CIAPIN1: variants seen among roughly 807,000 people sequenced by gnomAD.
CIAPIN1 encodes anamorsin.
CIAPIN1 carries 18 observed loss-of-function variants against 34.3 expected under a neutral mutation model. The observed-to-expected ratio is 0.52, with a 90% confidence interval of 0.36 to 0.78. The LOEUF is 0.78. Ranked by LOEUF, CIAPIN1 falls within the 30% of genes least tolerant of loss-of-function variation. The probability of loss-of-function intolerance (pLI) is 0.00; values close to 1 mark genes in which losing one functional copy is unlikely to be tolerated. For missense variants in CIAPIN1, 310 were observed against 372.5 expected (o/e 0.83, Z 1.38); for synonymous variants, 131 against 140.4 (o/e 0.93, Z 0.47).
intron 5 of CIAPIN1, chr16:57,433,540 T>TGTGTGCGTGCGC (rs1346638136): frequency 5.7e-6 from 1 of 176,602 alleles, no homozygotes; most frequent in African/African-American, 2.4e-5. Flanking sequence ...TGTGTGTGTG[T>TGTGTGCGTGCGC]GTGCGTGCGC....
At chr16:57,435,311 G>T (rs1262097380) in intron 4 of CIAPIN1, among the ~76,000 whole-genome samples, 1 of 152,166 alleles carries the variant, frequency 6.6e-6, no homozygotes, top group Non-Finnish European at 1.5e-5. Context: ...TTGCAGGCCC[G>T]TGCTTCCTGT....
chr16:57,441,293 C>T (rs1156384091), intron 1 of CIAPIN1: 3 of 158,720 alleles, frequency 1.9e-5, no homozygotes, highest in East Asian at 1.8e-4. Context: ...TCAGCATGAA[C>T]GGAATGGAAA....
rs1903318084 is a variant in CIAPIN1, at chr16:57,440,931, TTGCAG to T, written c.-8_-4del. ...GCAGAGATCCCAAAATCTGCCATTC[TTGCAG>T]TGCAGTACTGACAGACCTAAAAACT... On this transcript the variant is annotated 5_prime_UTR_variant, in exon 2 of 9. Coordinates refer to ENST00000394391, the MANE Select transcript of CIAPIN1 (RefSeq NM_020313.4). 6.2e-7 allele frequency: 1 copy of T among 1,612,514 alleles called. No homozygotes were observed.
chr16:57,445,602 C>T (rs1388101807), intron 1 of CIAPIN1, among the ~76,000 whole-genome samples: 1 of 152,170 alleles, frequency 6.6e-6, no homozygotes, highest in East Asian at 1.9e-4. Flanking sequence ...TGACCAGTAC[C>T]AAGTGGGCCT....
chr16:57,433,550 C>T (rs374135836), intron 5 of CIAPIN1: 24 of 183,070 alleles, frequency 1.3e-4, no homozygotes, highest in South Asian at 3.4e-4. Flanking sequence ...TGTGCGTGCG[C>T]GTGCGTGCAC....
chr16:57,429,912 TG>T (rs1903048525), intron 8 of CIAPIN1, among the ~76,000 whole-genome samples: 1 of 152,060 alleles, frequency 6.6e-6, no homozygotes, highest in Non-Finnish European at 1.5e-5. Context: ...CTGGCATAGC[TG>T]GAATTACACA....
intron 1 of CIAPIN1, among the ~76,000 whole-genome samples, chr16:57,445,421 T>C (rs2030012791): frequency 6.6e-6 from 1 of 152,150 alleles, no homozygotes; most frequent in African/African-American, 2.4e-5. Context: ...GTAGGCAGAA[T>C]TGCTTGAACT....
intron 2 of CIAPIN1, among the ~76,000 whole-genome samples, chr16:57,439,785 A>T (rs1347998898): frequency 6.6e-6 from 1 of 152,190 alleles, no homozygotes; most frequent in East Asian, 1.9e-4. Flanking sequence ...CTTTACTTTA[A>T]TCTCTTAATC....
intron 8 of CIAPIN1, 81 bp from the exon 9 acceptor site, chr16:57,429,361 A>ATGTGGCCAC: frequency 1.1e-6 from 1 of 934,524 alleles, no homozygotes; most frequent in Non-Finnish European, 1.7e-6. Context: ...TAATTTCATA[A>ATGTGGCCAC]TGTGGCCACA....
In CIAPIN1 at chr16:57,430,322, T is replaced by C; in HGVS notation, c.764A>G (p.Glu255Gly). Residue 255 changes from glutamate (E) to glycine (G), a missense_variant, in exon 8 of 9, where the codon GAA (glutamate) becomes GGA (glycine). Glu to Gly is a moderately conservative substitution (Grantham distance 98, BLOSUM62 -2). Coordinates refer to ENST00000394391, the MANE Select transcript of CIAPIN1 (RefSeq NM_020313.4). ...CCTTGACTTCTCTTTTTCCAGTTCTTCGGCAAGGCCACAGGTGCTGCGGGA... is the reference window on the plus strand; with the variant it reads ...CCTTGACTTCTCTTTTTCCAGTTCTCCGGCAAGGCCACAGGTGCTGCGGGA... ...ACKNCTCGLA[E>G]ELEKEKSREQ... The C allele has an allele frequency of 6.2e-7, 1 of 1,614,210 alleles. No individual in the cohort carries two copies. The highest frequency in any genetic ancestry group is 8.5e-7 in the Non-Finnish European group (1 of 1,180,032).
rs76025082 is a variant in CIAPIN1 at position 57,429,941 on chromosome 16, G to A, written c.828+317C>T. Among the ~76,000 whole-genome samples the A allele has an allele frequency of 4.0e-3, 604 of 152,184 alleles. 4 individuals carry two copies. The highest frequency in any genetic ancestry group is 7.2e-3 in the Admixed American group (110 of 15,274). ...ATTACACACGTGAGCCACTGCGCCC[G>A]GCCATAGTTCTATATTCTATGCAGT... is the stretch of plus-strand genomic sequence containing the variant. On this transcript the variant is annotated intron_variant, in intron 8 of 8. Coordinates refer to ENST00000394391, the MANE Select transcript of CIAPIN1 (RefSeq NM_020313.4).
chr16:57,447,065 C>G (rs1295200907), intron 1 of CIAPIN1, among the ~76,000 whole-genome samples: 10 of 152,340 alleles, frequency 6.6e-5, no homozygotes, highest in African/African-American at 2.2e-4. Context: ...GTGGTGTCCC[C>G]GGGGCCTCAG....
rs1471627598 is a variant in CIAPIN1, at chr16:57,446,417, G to GA, written c.-56+924dup. 1.1e-3 allele frequency among the ~76,000 whole-genome samples: 161 copies of GA among 152,304 alleles called. 2 individuals carry two copies. The highest frequency in any genetic ancestry group is 1.9e-4 in the Non-Finnish European group (13 of 68,028). On this transcript the variant is annotated intron_variant, in intron 1 of 8. Coordinates refer to ENST00000394391, the MANE Select transcript of CIAPIN1 (RefSeq NM_020313.4). ...CGTGCAGGGGGGAGCCGGATATTCT[G>GA]AAAAGACTAGATTTGACAAGGGGTG...
At chr16:57,431,551 A>T in intron 6 of CIAPIN1, 4 of 214,426 alleles carry the variant, frequency 1.9e-5, no homozygotes, top group Non-Finnish European at 3.7e-5. Flanking sequence ...GAATATACAC[A>T]TGTTGGGGGT....
intron 1 of CIAPIN1, among the ~76,000 whole-genome samples, chr16:57,442,901 A>T (rs1567574365): frequency 6.6e-6 from 1 of 152,080 alleles, no homozygotes; most frequent in Non-Finnish European, 1.5e-5. Flanking sequence ...ACCATTCCAA[A>T]GTGATCCCTC....
At chr16:57,443,146 T>C (rs2029916842) in intron 1 of CIAPIN1, among the ~76,000 whole-genome samples, 1 of 150,634 alleles carries the variant, frequency 6.6e-6, no homozygotes, top group South Asian at 2.1e-4. Flanking sequence ...TTTTTTTTTT[T>C]TTTGCGGGGG....
intron 1 of CIAPIN1, among the ~76,000 whole-genome samples, chr16:57,443,083 G>GA (rs563414443): frequency 3.1e-3 from 342 of 111,868 alleles, no homozygotes; most frequent in Non-Finnish European, 4.5e-3. Flanking sequence ...AGTAAAAATG[G>GA]AAAAAAAAAA....
chr16:57,438,612 T>C (rs1337141995), intron 3 of CIAPIN1, among the ~76,000 whole-genome samples: 1 of 152,220 alleles, frequency 6.6e-6, no homozygotes, highest in Non-Finnish European at 1.5e-5. Context: ...CTATGTAATT[T>C]TATTATATGT....
At chr16:57,445,000 C>A (rs573074337) in intron 1 of CIAPIN1, among the ~76,000 whole-genome samples, 172 of 152,270 alleles carry the variant, frequency 1.1e-3, no homozygotes, top group African/African-American at 3.8e-3. Flanking sequence ...ATGTTACTGG[C>A]AGGCAGTAAA....
Sources: allele counts gnomAD v4.1 joint callset (sites outside exome capture counted in the v4.1 genomes callset), GRCh38; gene constraint gnomAD v4.1.1; transcripts MANE v1.5; gene names NCBI Gene and HGNC (gene_info 2026-07-23, HGNC 2026-07-21).